The following HARS1 variants were observed in gnomAD, a reference collection of about 807,000 sequenced individuals.
HARS1 encodes histidyl-tRNA synthetase 1, also known as histidine--tRNA ligase, cytoplasmic.
Under a neutral mutation model 63.6 loss-of-function variants are expected in HARS1, and 45 were observed. The observed-to-expected ratio is 0.71, with a 90% CI of 0.56 to 0.91. The LOEUF is 0.91. Among genes scored for constraint, HARS1 ranks in the 40% least tolerant of loss-of-function variants. The pLI, the probability that HARS1 is intolerant of heterozygous loss-of-function variation, is 0.00. For missense variants in HARS1, 508 were observed against 643.2 expected (o/e 0.79, Z 2.27); for synonymous variants, 205 against 247.1 (o/e 0.83, Z 1.60).
chr5:140,676,524 G>A lies in HARS1; in HGVS notation c.1194+130C>T. On this transcript the variant is annotated intron_variant, in intron 10 of 12. Coordinates refer to ENST00000504156, the MANE Select transcript of HARS1 (RefSeq NM_002109.6). This position sits in a 1 kb window ranked among gnomAD's most constrained non-coding sequence, Gnocchi z 4.1. ...ATGGGGTAGAAATCTGTGAAAAAGA[G>A]CAATAATCTTTTCTCCATTTCTGTG... The A allele has an allele frequency of 2.1e-6, 2 of 937,404 alleles. No individual in the cohort carries two copies. The highest frequency in any genetic ancestry group is 4.8e-5 in the East Asian group (2 of 41,280). 58.1% of individuals were successfully genotyped at this position (937,404 alleles called of 1,614,324 possible).
At chr5:140,684,319 C>T (rs942441565) in intron 2 of HARS1, 3 of 976,624 alleles carry the variant, frequency 3.1e-6, no homozygotes, top group African/African-American at 1.8e-5. Flanking sequence ...ACAAACCCAA[C>T]CAAACAAACA....
At position 140,676,800 on chromosome 5, in the gene HARS1, C is replaced by T; in HGVS notation, c.1048G>A (p.Glu350Lys). 1 of 1,614,286 alleles carries T rather than the reference C, an allele frequency of 6.2e-7. No individual in the cohort carries two copies. Among genetic ancestry groups the T allele is most frequent in the Admixed American group, 1.7e-5 (1 of 60,036 alleles). The stretch of plus-strand genomic sequence containing the variant: ...GCCACACTGCCCACACCCAGGGGCT[C>T]TTCCCCTGCCTGGGCTGGGGTCTGT... ...LLQTPAQAGE[E>K]PLGVGSVAAG... Residue 350 changes from glutamate (E) to lysine (K), a missense_variant, in exon 10 of 13, where the codon GAG becomes AAG. Glu to Lys is a moderately conservative substitution (Grantham distance 56). Coordinates refer to ENST00000504156, the MANE Select transcript of HARS1 (RefSeq NM_002109.6). The surrounding 1 kb of genome is among the most constrained non-coding windows in gnomAD (Gnocchi z 4.1).
rs769535360 is a variant in HARS1 at position 140,677,729 on chromosome 5, C to T, written c.655G>A (p.Gly219Arg). 43 of 1,610,654 alleles carry T rather than the reference C, an allele frequency of 2.7e-5. No homozygotes were observed. The highest frequency in any genetic ancestry group is 4.2e-6 in the Non-Finnish European group (5 of 1,178,698). Reference sequence around the variant, plus strand: ...GAAACACCACAGATAGCAAACATCCCATCTAGAATGCGTCGATCGTTTACC... The same window carrying T: ...GAAACACCACAGATAGCAAACATCCTATCTAGAATGCGTCGATCGTTTACC... ...VKVNDRRILD[G>R]MFAICGVSDS... is the part of the protein sequence containing the mutation. Residue 219 changes from glycine to arginine, a missense_variant, in exon 7 of 13, where the codon GGG (glycine) becomes AGG (arginine). Around this residue, in one of 2 missense-constraint regions of HARS1, gnomAD observed 403 missense variants for 548.7 expected, o/e 0.73. Coordinates refer to ENST00000504156, the MANE Select transcript of HARS1 (RefSeq NM_002109.6).
At chr5:140,681,740 T>A (rs980660924) in intron 3 of HARS1, among the ~76,000 whole-genome samples, 2 of 152,080 alleles carry the variant, frequency 1.3e-5, no homozygotes, top group African/African-American at 2.4e-5. Flanking sequence ...AGATCCTTCC[T>A]TATGGCCTTC....
At chr5:140,686,693 C>A (rs527290501) in intron 2 of HARS1, among the ~76,000 whole-genome samples, 2 of 152,038 alleles carry the variant, frequency 1.3e-5, no homozygotes, top group African/African-American at 4.8e-5. Flanking sequence ...CTCTGCTTCC[C>A]AGGTTCAAGC....
intron 3 of HARS1, among the ~76,000 whole-genome samples, chr5:140,680,860 A>G (rs546755161): frequency 1.1e-4 from 16 of 151,694 alleles, no homozygotes; most frequent in Non-Finnish European, 2.1e-4. Context: ...AAAATTCCCC[A>G]TAACATTTCA....
chr5:140,676,542 T>C lies in HARS1; in HGVS notation c.1194+112A>G. The C allele has an allele frequency of 8.9e-7, 1 of 1,118,688 alleles. No individual in the cohort carries two copies. Among genetic ancestry groups the C allele is most frequent in the Non-Finnish European group, 1.3e-6 (1 of 768,920 alleles). 69.3% of individuals were successfully genotyped at this position (1,118,688 alleles called of 1,614,324 possible). A position where few individuals can be genotyped will look rare whatever the true frequency, so the allele number is the denominator to read the frequency against. On this transcript the variant is annotated intron_variant, in intron 10 of 12. Transcript: ENST00000504156. This position sits in a 1 kb window ranked among gnomAD's most constrained non-coding sequence, Gnocchi z 4.1. ...AAAAAGAGCAATAATCTTTTCTCCATTTCTGTGAGATGCTCCCTGCCCAAA... is the reference window on the plus strand; with the variant it reads ...AAAAAGAGCAATAATCTTTTCTCCACTTCTGTGAGATGCTCCCTGCCCAAA...
chr5:140,684,285 G>C, intron 2 of HARS1: 2 of 910,544 alleles, frequency 2.2e-6, no homozygotes, highest in Non-Finnish European at 2.6e-6. Context: ...GCAAGACTCT[G>C]TCAAAACAAA....
chr5:140,681,812 T>C (rs1427234991), intron 3 of HARS1, among the ~76,000 whole-genome samples: 1 of 152,110 alleles, frequency 6.6e-6, no homozygotes, highest in East Asian at 1.9e-4. Context: ...TGTGAGAAAA[T>C]AAATTTCTGT....
chr5:140,685,504 G>A (rs1581520393), intron 2 of HARS1, among the ~76,000 whole-genome samples: 1 of 151,432 alleles, frequency 6.6e-6, no homozygotes, highest in East Asian at 1.9e-4. Flanking sequence ...GGTGGATCAC[G>A]GGGTCAAGAG....
chr5:140,686,091 G>A (rs1176591214), intron 2 of HARS1, among the ~76,000 whole-genome samples: 3 of 150,372 alleles, frequency 2.0e-5, no homozygotes, highest in Admixed American at 1.3e-4. Flanking sequence ...GTGCCACCAC[G>A]CCCGGCAAAT....
chr5:140,677,199 G>GC, intron 8 of HARS1, 83 bp from the exon 9 acceptor site: 1 of 1,481,474 alleles, frequency 6.8e-7, no homozygotes, highest in South Asian at 1.1e-5. Flanking sequence ...GACTCTAGTC[G>GC]CCCATGCATG....
chr5:140,674,458 C>G lies in HARS1; in HGVS notation c.1459-130G>C, dbSNP rs1758234469. The stretch of plus-strand genomic sequence containing the variant: ...GGAGCAGGAACCTAATTAAACACCT[C>G]AGGCTAGAGTGTGCCTCTTGGGGGA... On this transcript the variant is annotated intron_variant, in intron 12 of 12. Transcript: ENST00000504156. The G allele has an allele frequency of 3.7e-6, 3 of 812,236 alleles. No homozygotes were observed. In the Admixed American group the frequency reaches 6.3e-5, roughly 17 times the overall value. 50.3% of individuals were successfully genotyped at this position (812,236 alleles called of 1,614,324 possible).
At position 140,679,673 on chromosome 5, in the gene HARS1, T is replaced by A. The variant is rs1047389857; in HGVS notation, c.396+115A>T. 1 of 563,384 alleles carries A rather than the reference T, an allele frequency of 1.8e-6. No individual in the cohort carries two copies. Among genetic ancestry groups the A allele is most frequent in the Admixed American group, 3.4e-5 (1 of 29,146 alleles). The allele number at this position is 563,384 out of a possible 1,614,324, so 34.9% of individuals were successfully genotyped here. On this transcript the variant is annotated intron_variant, in intron 4 of 12. Transcript: ENST00000504156. This position sits in a 1 kb window ranked among gnomAD's most constrained non-coding sequence, Gnocchi z 4.3. ...TCCACTCCTGGTTTAGAGAAATAAT[T>A]CCCCTAATCGCCAAAGGCCTCATAT...
intron 2 of HARS1, among the ~76,000 whole-genome samples, chr5:140,688,197 G>A (rs549844074): frequency 6.6e-6 from 1 of 152,268 alleles, no homozygotes; most frequent in Non-Finnish European, 1.5e-5. Context: ...AAAGAGTCTT[G>A]TCCCCACAAT....
At chr5:140,683,375 A>G (rs1033010127) in intron 2 of HARS1, among the ~76,000 whole-genome samples, 156 bp from the exon 3 acceptor site, 3 of 152,244 alleles carry the variant, frequency 2.0e-5, no homozygotes, top group Non-Finnish European at 2.9e-5. Context: ...ACAAGTACAA[A>G]TAATTCCCTA....
At position 140,676,008 on chromosome 5, in the gene HARS1, G is replaced by C. The variant is rs557053910; in HGVS notation, c.1194+646C>G. 1 of 152,302 alleles carries C rather than the reference G, an allele frequency of 6.6e-6. No individual in the cohort carries two copies. Among genetic ancestry groups the C allele is most frequent in the South Asian group, 2.1e-4 (1 of 4,816 alleles). The allele number at this position is 152,302 out of a possible 1,614,324, so 9.4% of individuals were successfully genotyped here. ...TTAAGACCAGCAGCAACAAAGGAGG[G>C]CTTGAGGCTACAAGAGGCTTCCTTG... On this transcript the variant is annotated intron_variant, in intron 10 of 12. Coordinates refer to ENST00000504156, the MANE Select transcript of HARS1 (RefSeq NM_002109.6). The surrounding 1 kb of genome is among the most constrained non-coding windows in gnomAD (Gnocchi z 4.1).
At chr5:140,687,688 T>C (rs1759121175) in intron 2 of HARS1, 1 of 152,228 alleles carries the variant, frequency 6.6e-6, no homozygotes, top group African/African-American at 2.4e-5. Flanking sequence ...CACTGGCTAT[T>C]AGTACAGTTT....
Position 140,677,400 on chromosome 5 carries a change from C to T in HARS1, c.750G>A (p.Lys250=), listed in dbSNP as rs1758444889. The T allele has an allele frequency of 6.2e-7, 1 of 1,613,588 alleles. No individual in the cohort carries two copies. The highest frequency in any genetic ancestry group is 8.5e-7 in the Non-Finnish European group (1 of 1,179,542). ...KLDKVSWEEV[K]NEMVGEKGLA... ...GGCCCTTCTCTCCCACCATCTCATT[C>T]TTCACCTCTTCCCAGGACACCTAGG... is the stretch of plus-strand genomic sequence containing the variant. Residue 250 remains lysine (K), a synonymous_variant, in exon 8 of 13, where the codon AAG becomes AAA. Transcript: ENST00000504156.
Sources: gnomAD v4.1 joint callset for allele counts (sites outside exome capture counted in the v4.1 genomes callset) on GRCh38, gnomAD v4.1.1 for gene constraint, gnomAD v4.1.1 regional missense constraint, Gnocchi (gnomAD v3.1) non-coding constraint, MANE v1.5 for transcripts, NCBI Gene and HGNC (gene_info 2026-07-23, HGNC 2026-07-21) for gene names.